Variants in TRDN observed in about 807,000 individuals in gnomAD.
The protein encoded by TRDN is triadin.
In TRDN, 161 loss-of-function variants were observed where a neutral mutation model predicts 149.7. The ratio of observed to expected loss-of-function variants is 1.08; its 90% CI spans 0.95 to 1.23. TRDN has a LOEUF of 1.23. Ranked by LOEUF, TRDN falls within the 50% of genes most tolerant of loss-of-function variation. TRDN has a pLI of 0.00. For missense variants in TRDN, 896 were observed against 823.5 expected (o/e 1.09, Z -1.08); for synonymous variants, 294 against 250.5 (o/e 1.17, Z -1.64).
chr6:123,434,302 G>A (rs13195021), intron 12 of TRDN, among the ~76,000 whole-genome samples: 22,141 of 152,138 alleles, frequency 0.15, 2,228 homozygotes, highest in African/African-American at 0.29. Context: ...GCATCTTACA[G>A]ACTCACTTGC....
At chr6:123,505,671 C>T (rs546309387) in intron 7 of TRDN, among the ~76,000 whole-genome samples, 1 of 151,414 alleles carries the variant, frequency 6.6e-6, no homozygotes, top group African/African-American at 2.4e-5. Context: ...TCATAAAATT[C>T]TCATACAAAT....
chr6:123,398,305 G>A (rs555852898), intron 12 of TRDN, among the ~76,000 whole-genome samples: 44 of 152,176 alleles, frequency 2.9e-4, no homozygotes, highest in African/African-American at 1.0e-3. Flanking sequence ...GTGCCTGGCC[G>A]ACCGTTCTTA....
chr6:123,276,601 TG>T (rs1349405178), intron 26 of TRDN, among the ~76,000 whole-genome samples: 1 of 152,114 alleles, frequency 6.6e-6, no homozygotes, highest in Non-Finnish European at 1.5e-5. Flanking sequence ...GCCAAGGTTG[TG>T]GTTGGACAAA....
chr6:123,334,397 C>T (rs774281757), intron 22 of TRDN, among the ~76,000 whole-genome samples: 8 of 152,056 alleles, frequency 5.3e-5, no homozygotes, highest in Non-Finnish European at 8.8e-5. Flanking sequence ...GGAGAAATTA[C>T]TTAACTACTG....
At chr6:123,581,934 T>C (rs917437356) in intron 1 of TRDN, among the ~76,000 whole-genome samples, 5 of 152,100 alleles carry the variant, frequency 3.3e-5, no homozygotes, top group African/African-American at 1.2e-4. Flanking sequence ...ATTAAATGGG[T>C]AGATAGCCAA....
At chr6:123,559,060 C>T (rs893770084) in intron 2 of TRDN, among the ~76,000 whole-genome samples, 4 of 152,254 alleles carry the variant, frequency 2.6e-5, no homozygotes, top group African/African-American at 9.6e-5. Flanking sequence ...GCCCAAGGCT[C>T]TCTGACTGAC....
At chr6:123,360,765 A>T (rs1020285077) in intron 20 of TRDN, among the ~76,000 whole-genome samples, 10 of 151,712 alleles carry the variant, frequency 6.6e-5, no homozygotes, top group African/African-American at 1.9e-4. Context: ...GAGAGGTGTA[A>T]ATCAAGGAAA....
chr6:123,267,611 A>T (rs1308605781), intron 32 of TRDN, 96 bp downstream of exon 32: 14 of 804,464 alleles, frequency 1.7e-5, no homozygotes, highest in Non-Finnish European at 2.4e-5. Context: ...TTACCAGGAA[A>T]CACAGTGAAA....
intron 2 of TRDN, among the ~76,000 whole-genome samples, chr6:123,557,789 C>A (rs1781756115): frequency 6.6e-6 from 1 of 151,514 alleles, no homozygotes; most frequent in Non-Finnish European, 1.5e-5. Context: ...TCTCCACTTT[C>A]CTGGGGGGCA....
intron 38 of TRDN, among the ~76,000 whole-genome samples, chr6:123,247,361 G>A (rs1381967771): frequency 6.6e-6 from 1 of 152,146 alleles, no homozygotes; most frequent in Admixed American, 6.6e-5. Flanking sequence ...CATTGTCTCA[G>A]CCCAAAAACT....
At chr6:123,285,695 A>C (rs1193445161) in intron 24 of TRDN, among the ~76,000 whole-genome samples, 1 of 152,176 alleles carries the variant, frequency 6.6e-6, no homozygotes, top group African/African-American at 2.4e-5. Flanking sequence ...GTGGGACTTA[A>C]TTAAACTAAA....
intron 22 of TRDN, among the ~76,000 whole-genome samples, chr6:123,336,926 G>A (rs1779894394): frequency 6.6e-6 from 1 of 151,668 alleles, no homozygotes; most frequent in Non-Finnish European, 1.5e-5. Context: ...CAGAAGAGAG[G>A]GGACTCATTG....
At chr6:123,406,142 A>G (rs1172407287) in intron 12 of TRDN, among the ~76,000 whole-genome samples, 3 of 152,206 alleles carry the variant, frequency 2.0e-5, no homozygotes, top group African/African-American at 7.2e-5. Flanking sequence ...TAAGCCAAGT[A>G]AAAGCCAAAA....
At chr6:123,543,215 A>G (rs562804446) in intron 4 of TRDN, among the ~76,000 whole-genome samples, 1 of 152,270 alleles carries the variant, frequency 6.6e-6, no homozygotes, top group South Asian at 2.1e-4. Flanking sequence ...CTATAAAATA[A>G]CATGTTGCAT....
intron 7 of TRDN, among the ~76,000 whole-genome samples, chr6:123,508,651 G>C (rs963179188): frequency 6.6e-6 from 1 of 152,048 alleles, no homozygotes; most frequent in Non-Finnish European, 1.5e-5. Flanking sequence ...AGTGGATATG[G>C]GGTCCTACAT....
intron 21 of TRDN, chr6:123,351,569 A>G (rs1051015510): frequency 1.6e-5 from 16 of 979,600 alleles, no homozygotes; most frequent in South Asian, 4.7e-5. Context: ...TGAAAAGCCC[A>G]AGGAAATAAA....
intron 10 of TRDN, among the ~76,000 whole-genome samples, chr6:123,445,575 G>A (rs1775279926): frequency 1.2e-5 from 1 of 85,296 alleles, no homozygotes; most frequent in African/African-American, 5.6e-5. Flanking sequence ...AGTGGGCAAA[G>A]GACATGAACA....
intron 38 of TRDN, among the ~76,000 whole-genome samples, chr6:123,240,065 C>T (rs958461289): frequency 3.3e-5 from 5 of 151,664 alleles, no homozygotes; most frequent in Non-Finnish European, 5.9e-5. Flanking sequence ...AGATGAGAGA[C>T]CAATACATGT....
intron 12 of TRDN, among the ~76,000 whole-genome samples, chr6:123,431,064 TC>T (rs1774319676): frequency 6.6e-6 from 1 of 152,204 alleles, no homozygotes; most frequent in Non-Finnish European, 1.5e-5. Flanking sequence ...TTACCTAAGT[TC>T]CATGATTATA....
Sources: gnomAD v4.1 joint callset for allele counts (sites outside exome capture counted in the v4.1 genomes callset) on GRCh38, gnomAD v4.1.1 for gene constraint, MANE v1.5 for transcripts, NCBI Gene and HGNC (gene_info 2026-07-23, HGNC 2026-07-21) for gene names.